Variants in PRKG1 observed in about 807,000 individuals in gnomAD.
PRKG1 encodes protein kinase cGMP-dependent 1.
In PRKG1, 35 loss-of-function variants were observed where a neutral mutation model predicts 88.1. That is an observed-to-expected ratio of 0.40 (90% CI 0.30 to 0.53). The LOEUF is 0.53. PRKG1 is among the 20% of genes least tolerant of loss of function. PRKG1 has a pLI of 0.59. For synonymous variants in PRKG1, 303 were observed against 292.5 expected (o/e 1.04, Z -0.37); for missense variants, 540 against 839.8 (o/e 0.64, Z 4.41).
At chr10:51,705,279 A>G (rs1394343694) in intron 3 of PRKG1, among the ~76,000 whole-genome samples, 2 of 152,192 alleles carry the variant, frequency 1.3e-5, no homozygotes, top group Admixed American at 6.5e-5. Flanking sequence ...AGAGGTATCA[A>G]TATTCTTGTA....
intron 9 of PRKG1, among the ~76,000 whole-genome samples, chr10:52,239,222 G>A (rs1454306607): frequency 7.2e-6 from 1 of 138,820 alleles, no homozygotes; most frequent in African/African-American, 2.6e-5. Context: ...CCTAATGCTA[G>A]ATGACAAGTT....
chr10:51,559,028 A>G (rs1311975532), intron 3 of PRKG1, among the ~76,000 whole-genome samples: 1 of 152,092 alleles, frequency 6.6e-6, no homozygotes, highest in Non-Finnish European at 1.5e-5. Flanking sequence ...CATAACTTAT[A>G]TTATATGGTT....
At chr10:51,020,845 A>G (rs1257162628) in intron 1 of PRKG1, among the ~76,000 whole-genome samples, 1 of 152,152 alleles carries the variant, frequency 6.6e-6, no homozygotes, top group Non-Finnish European at 1.5e-5. Context: ...TCATGAGTCA[A>G]AATTGATTTA....
chr10:51,409,324 A>G (rs923442427), intron 2 of PRKG1, among the ~76,000 whole-genome samples: 4 of 152,118 alleles, frequency 2.6e-5, no homozygotes. Context: ...AGTGGAGACC[A>G]TGGGCATTTG....
intron 7 of PRKG1, among the ~76,000 whole-genome samples, chr10:52,067,769 A>G (rs1846389082): frequency 6.6e-6 from 1 of 151,658 alleles, no homozygotes; most frequent in South Asian, 2.1e-4. Context: ...CACCAAAGAG[A>G]GGGTAAAATG....
intron 3 of PRKG1, among the ~76,000 whole-genome samples, chr10:51,606,578 G>A (rs1168028035): frequency 6.6e-6 from 1 of 152,106 alleles, no homozygotes. Context: ...TAAATCAGAG[G>A]CTAGGGGAGT....
intron 5 of PRKG1, among the ~76,000 whole-genome samples, chr10:51,962,524 A>G (rs942699740): frequency 1.3e-5 from 2 of 152,110 alleles, no homozygotes; most frequent in African/African-American, 2.4e-5. Flanking sequence ...TATATAAGCC[A>G]CGATGGATTT....
chr10:51,056,843 T>G (rs2132777255), intron 1 of PRKG1, among the ~76,000 whole-genome samples: 1 of 152,324 alleles, frequency 6.6e-6, no homozygotes, highest in East Asian at 1.9e-4. Flanking sequence ...TTCCCTACAT[T>G]GTACTTTTCC....
At chr10:51,397,845 C>T (rs752015841) in intron 2 of PRKG1, among the ~76,000 whole-genome samples, 1 of 152,176 alleles carries the variant, frequency 6.6e-6, no homozygotes, top group Non-Finnish European at 1.5e-5. Flanking sequence ...TTTGGCAGGG[C>T]TTGCTATGAA....
At chr10:51,075,049 G>C (rs1843912105) in intron 1 of PRKG1, 148 bp downstream of exon 1, 1 of 1,211,142 alleles carries the variant, frequency 8.3e-7, no homozygotes, top group African/African-American at 1.5e-5. Context: ...CACTTCTTGC[G>C]GGGCTGTGCA....
chr10:52,241,062 G>C, intron 9 of PRKG1, among the ~76,000 whole-genome samples: 1 of 152,048 alleles, frequency 6.6e-6, no homozygotes, highest in East Asian at 1.9e-4. Context: ...TATGAATCTT[G>C]GGAAGGGAAG....
chr10:51,621,019 A>G (rs1206023553), intron 3 of PRKG1, among the ~76,000 whole-genome samples: 1 of 146,362 alleles, frequency 6.8e-6, no homozygotes, highest in Non-Finnish European at 1.5e-5. Flanking sequence ...GTATATATAT[A>G]TATATATATA....
intron 5 of PRKG1, among the ~76,000 whole-genome samples, chr10:52,054,194 C>T (rs1846054286): frequency 6.6e-6 from 1 of 152,102 alleles, no homozygotes; most frequent in African/African-American, 2.4e-5. Context: ...CATTATAGCA[C>T]ACCAGCATGG....
At chr10:51,542,267 A>G (rs976534117) in intron 3 of PRKG1, among the ~76,000 whole-genome samples, 15 of 152,196 alleles carry the variant, frequency 9.9e-5, no homozygotes, top group African/African-American at 3.4e-4. Flanking sequence ...GGTCTGCACC[A>G]GAAAAAACAT....
chr10:51,057,092 T>C (rs1273508472), intron 1 of PRKG1, among the ~76,000 whole-genome samples: 1 of 152,244 alleles, frequency 6.6e-6, no homozygotes, highest in Non-Finnish European at 1.5e-5. Context: ...ATATAGTAAA[T>C]CAAAATATTT....
chr10:51,618,797 C>A (rs1403060125), intron 3 of PRKG1, among the ~76,000 whole-genome samples: 1 of 151,990 alleles, frequency 6.6e-6, no homozygotes, highest in African/African-American at 2.4e-5. Context: ...GAGACAGAGT[C>A]TTGCTCTGTC....
chr10:52,072,465 GCA>G (rs1846527547), intron 7 of PRKG1, among the ~76,000 whole-genome samples: 1 of 152,086 alleles, frequency 6.6e-6, no homozygotes, highest in African/African-American at 2.4e-5. Flanking sequence ...TATAGGAAAA[GCA>G]CAGAGTATCA....
At chr10:51,954,679 G>A (rs1843261367) in intron 5 of PRKG1, among the ~76,000 whole-genome samples, 1 of 152,124 alleles carries the variant, frequency 6.6e-6, no homozygotes. Flanking sequence ...ATGTATCTTG[G>A]CGATTTGTAA....
intron 5 of PRKG1, among the ~76,000 whole-genome samples, chr10:51,944,718 C>T (rs989605649): frequency 6.6e-6 from 1 of 151,962 alleles, no homozygotes; most frequent in Non-Finnish European, 1.5e-5. Context: ...TTGTATCCAG[C>T]AGTCATTCAG....
Sources: gnomAD v4.1 joint callset for allele counts (sites outside exome capture counted in the v4.1 genomes callset) on GRCh38, gnomAD v4.1.1 for gene constraint, MANE v1.5 for transcripts, NCBI Gene and HGNC (gene_info 2026-07-23, HGNC 2026-07-21) for gene names.